The following SLC8A1 variants were observed in gnomAD, a reference collection of about 807,000 sequenced individuals.
SLC8A1 encodes sodium/calcium exchanger 1.
In SLC8A1, 18 loss-of-function variants were observed where a neutral mutation model predicts 68.3. That is an observed-to-expected ratio of 0.26 (90% CI 0.18 to 0.39). The LOEUF is 0.39. Ranked by LOEUF, SLC8A1 falls within the 10% of genes least tolerant of loss-of-function variation. The pLI is 1.00. For synonymous variants in SLC8A1, 475 were observed against 415.5 expected, an observed-to-expected ratio of 1.14 and a Z score of -1.74; for missense variants, 985 against 1,156.7, an observed-to-expected ratio of 0.85 and a Z score of 2.15.
intron 1 of SLC8A1, among the ~76,000 whole-genome samples, chr2:40,460,872 T>TGACC (rs4015628): frequency 6.6e-6 from 1 of 151,660 alleles, no homozygotes; most frequent in Non-Finnish European, 1.5e-5. Context: ...CGCACCTGAC[T>TGACC]ATAAGGATTT....
At chr2:40,341,141 T>C (rs1667564358) in intron 2 of SLC8A1, among the ~76,000 whole-genome samples, 1 of 152,196 alleles carries the variant, frequency 6.6e-6, no homozygotes, top group Non-Finnish European at 1.5e-5. Flanking sequence ...GTACTAGCTT[T>C]GCTTTGTGTA....
At chr2:40,428,997 G>A in exon 2 of SLC8A1, 1 of 1,613,746 alleles carries the variant, frequency 6.2e-7, no homozygotes, top group South Asian at 1.1e-5. Context: ...TGCGGATAAT[G>A]GTAAGGGCCA....
chr2:40,200,231 T>A (rs377570222), intron 2 of SLC8A1, among the ~76,000 whole-genome samples: 374 of 14,618 alleles, frequency 0.026, 41 homozygotes, highest in South Asian at 0.063. Flanking sequence ...TTTTTATATA[T>A]ATATATAAAT....
intron 2 of SLC8A1, among the ~76,000 whole-genome samples, chr2:40,267,122 C>T (rs1020597610): frequency 6.6e-6 from 1 of 152,058 alleles, no homozygotes; most frequent in Admixed American, 6.5e-5. Flanking sequence ...AGGGCTGGTA[C>T]CACAATAATG....
At chr2:40,480,596 TAA>T (rs536541278) in intron 1 of SLC8A1, among the ~76,000 whole-genome samples, 17 of 152,342 alleles carry the variant, frequency 1.1e-4, no homozygotes, top group Admixed American at 7.2e-4. Context: ...TTAAATGGAC[TAA>T]GACACTGCCC....
At chr2:40,404,423 T>G (rs138766289) in intron 2 of SLC8A1, among the ~76,000 whole-genome samples, 187 of 152,340 alleles carry the variant, frequency 1.2e-3, no homozygotes, top group African/African-American at 4.1e-3. Flanking sequence ...TGACAATACA[T>G]TTTTTGCAAT....
At chr2:40,225,540 A>G (rs1245872374) in intron 2 of SLC8A1, among the ~76,000 whole-genome samples, 1 of 152,152 alleles carries the variant, frequency 6.6e-6, no homozygotes, top group East Asian at 1.9e-4. Flanking sequence ...GGACGGAGTT[A>G]AAGACTATAA....
intron 2 of SLC8A1, among the ~76,000 whole-genome samples, chr2:40,189,254 T>C (rs959072160): frequency 2.0e-5 from 3 of 152,234 alleles, no homozygotes; most frequent in African/African-American, 4.8e-5. Flanking sequence ...CCATGGGTTC[T>C]TTCTCACTAA....
chr2:40,415,563 T>C (rs1242797557), intron 2 of SLC8A1, among the ~76,000 whole-genome samples: 3 of 152,112 alleles, frequency 2.0e-5, no homozygotes, highest in African/African-American at 2.4e-5. Flanking sequence ...CCAGCAGGCA[T>C]GTTTAGTAGC....
chr2:40,503,318 T>C (rs1706161301), intron 1 of SLC8A1, among the ~76,000 whole-genome samples: 1 of 152,052 alleles, frequency 6.6e-6, no homozygotes, highest in Non-Finnish European at 1.5e-5. Flanking sequence ...ACCGAGCTGC[T>C]TTGCAACGGC....
At chr2:40,250,501 C>G (rs2062565313) in intron 2 of SLC8A1, 1 of 151,470 alleles carries the variant, frequency 6.6e-6, no homozygotes, top group African/African-American at 2.4e-5. Flanking sequence ...GATACCATGA[C>G]AGGAAAATGT....
At chr2:40,405,132 G>C (rs1292438414) in intron 2 of SLC8A1, among the ~76,000 whole-genome samples, 2 of 152,124 alleles carry the variant, frequency 1.3e-5, no homozygotes, top group Non-Finnish European at 2.9e-5. Flanking sequence ...AGGCAGAAGG[G>C]GAAAAGTGTC....
At chr2:40,218,054 C>A (rs1250943312) in intron 2 of SLC8A1, among the ~76,000 whole-genome samples, 1 of 152,074 alleles carries the variant, frequency 6.6e-6, no homozygotes, top group African/African-American at 2.4e-5. Context: ...TAAAGAGACA[C>A]AGCCTTCAGA....
chr2:40,101,363 A>G (rs897401904), exon 8 of SLC8A1: 2 of 152,174 alleles, frequency 1.3e-5, no homozygotes, highest in African/African-American at 4.8e-5. Context: ...AGACTGTGTC[A>G]TTAAGTATAA....
intron 2 of SLC8A1, among the ~76,000 whole-genome samples, chr2:40,280,983 T>C (rs150705496): frequency 1.2e-4 from 19 of 152,220 alleles, no homozygotes; most frequent in Non-Finnish European, 2.8e-4. Context: ...TGCTTATCTT[T>C]CCTGGTGGAC....
intron 1 of SLC8A1, among the ~76,000 whole-genome samples, chr2:40,438,324 G>C (rs1427570703): frequency 2.0e-5 from 3 of 152,010 alleles, no homozygotes; most frequent in Non-Finnish European, 2.9e-5. Flanking sequence ...CACCAAAAAG[G>C]ATTTTCTACC....
chr2:40,447,972 G>A (rs1390205983), intron 1 of SLC8A1, among the ~76,000 whole-genome samples: 4 of 152,252 alleles, frequency 2.6e-5, no homozygotes, highest in Non-Finnish European at 4.4e-5. Flanking sequence ...TCTTGTTACT[G>A]TCTACACTCT....
At chr2:40,242,789 C>G (rs1046559329) in intron 2 of SLC8A1, among the ~76,000 whole-genome samples, 69 of 152,176 alleles carry the variant, frequency 4.5e-4, no homozygotes, top group African/African-American at 1.6e-3. Flanking sequence ...TGTTTCAAGA[C>G]TTTCTAGACT....
chr2:40,117,981 A>G lies in SLC8A1; in HGVS notation c.2438-2352T>C, dbSNP rs73927113. Reference sequence around the variant, plus strand: ...GGGAGTTGGTCAATTCTGAAGGCCTATCATCAATTCTGCCCTCTGCCTGTG... The same window carrying G: ...GGGAGTTGGTCAATTCTGAAGGCCTGTCATCAATTCTGCCCTCTGCCTGTG... On this transcript the variant is annotated intron_variant, in intron 7 of 7. Coordinates refer to ENST00000406785, the Ensembl canonical transcript of SLC8A1. Among the ~76,000 whole-genome samples the G allele has an allele frequency of 5.0e-3, 762 of 152,326 alleles. 5 individuals are homozygous for G. Among genetic ancestry groups the G allele is most frequent in the African/African-American group, 0.017 (704 of 41,576 alleles).
Sources: gnomAD v4.1 joint callset for allele counts (sites outside exome capture counted in the v4.1 genomes callset) on GRCh38, gnomAD v4.1.1 for gene constraint, MANE v1.5 for transcripts, NCBI Gene and HGNC (gene_info 2026-07-23, HGNC 2026-07-21) for gene names.